Variants in CDH13 observed in about 807,000 individuals in gnomAD.
CDH13 encodes cadherin-13.
Under a neutral mutation model 63.8 loss-of-function variants are expected in CDH13, and 24 were observed. That is an observed-to-expected ratio of 0.38 (90% confidence interval 0.27 to 0.53). The LOEUF (loss-of-function observed/expected upper bound fraction) is 0.53, where lower values mean the gene tolerates loss of function less well. Ranked by LOEUF, CDH13 falls within the 20% of genes least tolerant of loss-of-function variation. CDH13 has a pLI of 0.85. For synonymous variants in CDH13, 503 were observed against 355.3 expected (o/e 1.42, Z -4.67); for missense variants, 1,049 against 903.1 (o/e 1.16, Z -2.07).
At chr16:83,584,406 G>A (rs1464872035) in intron 7 of CDH13, among the ~76,000 whole-genome samples, 2 of 152,184 alleles carry the variant, frequency 1.3e-5, no homozygotes, top group Admixed American at 6.5e-5. Flanking sequence ...AACTATCTAT[G>A]GTTTATTGGG....
chr16:82,703,337 A>T (rs542560826), intron 1 of CDH13, among the ~76,000 whole-genome samples: 2 of 152,024 alleles, frequency 1.3e-5, no homozygotes, highest in African/African-American at 4.8e-5. Context: ...CTCACTGTGA[A>T]CCCTGAGATG....
intron 7 of CDH13, among the ~76,000 whole-genome samples, chr16:83,575,613 A>G (rs1340669146): frequency 6.6e-6 from 1 of 151,932 alleles, no homozygotes; most frequent in Non-Finnish European, 1.5e-5. Context: ...GACCTGGAGT[A>G]TTTTTTCACC....
chr16:83,278,330 T>A (rs779428917), intron 5 of CDH13, among the ~76,000 whole-genome samples: 1 of 152,182 alleles, frequency 6.6e-6, no homozygotes, highest in African/African-American at 2.4e-5. Context: ...CCATTCACCA[T>A]GGGCTCCTTA....
At chr16:83,476,460 G>T (rs954601940) in intron 6 of CDH13, among the ~76,000 whole-genome samples, 2 of 152,204 alleles carry the variant, frequency 1.3e-5, no homozygotes, top group Non-Finnish European at 2.9e-5. Flanking sequence ...ATCACTCGAG[G>T]TCGGGAGTTT....
chr16:82,688,411 G>A (rs1915301675), intron 1 of CDH13, among the ~76,000 whole-genome samples: 1 of 152,238 alleles, frequency 6.6e-6, no homozygotes, highest in Non-Finnish European at 1.5e-5. Context: ...TCACAGGCAT[G>A]TTTATGCACT....
At chr16:83,744,469 T>C (rs990195261) in intron 10 of CDH13, among the ~76,000 whole-genome samples, 1 of 152,236 alleles carries the variant, frequency 6.6e-6, no homozygotes, top group African/African-American at 2.4e-5. Flanking sequence ...AGTGAAAGGA[T>C]CATTGCAGCA....
At chr16:83,311,080 C>G (rs2089989573) in intron 5 of CDH13, among the ~76,000 whole-genome samples, 1 of 152,212 alleles carries the variant, frequency 6.6e-6, no homozygotes, top group Non-Finnish European at 1.5e-5. Context: ...TTACTGCTCT[C>G]CTGCTCCTCT....
intron 5 of CDH13, among the ~76,000 whole-genome samples, chr16:83,321,851 C>G (rs137868822): frequency 6.6e-6 from 1 of 152,176 alleles, no homozygotes; most frequent in Non-Finnish European, 1.5e-5. Flanking sequence ...TTGTTAAACA[C>G]TTCTGTCTTA....
intron 7 of CDH13, among the ~76,000 whole-genome samples, chr16:83,496,846 C>T (rs1376082571): frequency 3.3e-5 from 5 of 152,088 alleles, no homozygotes; most frequent in South Asian, 2.1e-4. Flanking sequence ...AAAAAGTGGG[C>T]GAAGGACATG....
chr16:82,742,796 A>T (rs1048712283), intron 1 of CDH13, among the ~76,000 whole-genome samples: 3 of 152,224 alleles, frequency 2.0e-5, no homozygotes, highest in Non-Finnish European at 1.5e-5. Context: ...TTTAAAATAG[A>T]AACTATCCAT....
chr16:83,115,202 G>A (rs988704987), intron 3 of CDH13, among the ~76,000 whole-genome samples: 2 of 152,188 alleles, frequency 1.3e-5, no homozygotes, highest in African/African-American at 2.4e-5. Flanking sequence ...TGGAGTTACA[G>A]AGGCCAAAGA....
Position 83,439,677 on chromosome 16 carries a change from G to A in CDH13, c.782-46800G>A, listed in dbSNP as rs536690064. Among the ~76,000 whole-genome samples, 4 of 152,276 alleles carry A rather than the reference G, an allele frequency of 2.6e-5. No individual in the cohort carries two copies. The South Asian group carries it at 6.2e-4, about 24-fold the overall frequency. ...CTGTGTTCATGCATAATTACGGAAT[G>A]GCCTTCTTTATGGTCTGATTGACTG... On this transcript the variant is annotated intron_variant, in intron 6 of 13. Coordinates refer to ENST00000567109, the MANE Select transcript of CDH13 (RefSeq NM_001257.5).
At chr16:83,564,916 TTTG>T (rs144838175) in intron 7 of CDH13, among the ~76,000 whole-genome samples, 1,690 of 152,140 alleles carry the variant, frequency 0.011, 27 homozygotes, top group Middle Eastern at 0.014. Context: ...TGTTGTTGGT[TTTG>T]TTGTTGTTGT....
intron 7 of CDH13, among the ~76,000 whole-genome samples, chr16:83,563,897 T>G (rs2075748685): frequency 6.6e-6 from 1 of 152,194 alleles, no homozygotes. Flanking sequence ...TCCGTGAAGT[T>G]ACTGTGAGTG....
At chr16:83,203,462 G>A (rs1034616226) in intron 4 of CDH13, among the ~76,000 whole-genome samples, 14 of 151,722 alleles carry the variant, frequency 9.2e-5, no homozygotes, top group African/African-American at 2.2e-4. Flanking sequence ...CAAGGCGGGC[G>A]GATCATGAGG....
At chr16:83,605,432 A>C (rs1908234802) in intron 8 of CDH13, among the ~76,000 whole-genome samples, 1 of 152,154 alleles carries the variant, frequency 6.6e-6, no homozygotes, top group South Asian at 2.1e-4. Context: ...ATTGAGAAGT[A>C]AGGAGGGGGC....
intron 6 of CDH13, among the ~76,000 whole-genome samples, chr16:83,364,168 G>A (rs1343496071): frequency 6.6e-6 from 1 of 152,088 alleles, no homozygotes; most frequent in Non-Finnish European, 1.5e-5. Flanking sequence ...ATCCATCTAG[G>A]TTCTTGGTAG....
At chr16:83,175,344 A>G (rs975056255) in intron 4 of CDH13, among the ~76,000 whole-genome samples, 1 of 152,182 alleles carries the variant, frequency 6.6e-6, no homozygotes, top group African/African-American at 2.4e-5. Context: ...ATTGATTAAA[A>G]GATGACAAGT....
intron 1 of CDH13, among the ~76,000 whole-genome samples, chr16:82,635,295 C>A (rs1265281034): frequency 2.0e-5 from 3 of 152,246 alleles, no homozygotes; most frequent in Non-Finnish European, 2.9e-5. Context: ...GCTTCCCTGA[C>A]AACCTGATGC....
Sources: allele counts gnomAD v4.1 joint callset (sites outside exome capture counted in the v4.1 genomes callset), GRCh38; gene constraint gnomAD v4.1.1; transcripts MANE v1.5; gene names NCBI Gene and HGNC (gene_info 2026-07-23, HGNC 2026-07-21).